The following CDON variants were observed in gnomAD, a reference collection of about 807,000 sequenced individuals.
CDON encodes cell adhesion molecule-related/down-regulated by oncogenes.
Under a neutral mutation model 120.9 loss-of-function variants are expected in CDON, and 73 were observed. That is an observed-to-expected ratio of 0.60 (90% confidence interval 0.50 to 0.73). The LOEUF (loss-of-function observed/expected upper bound fraction) is 0.73, where lower values mean the gene tolerates loss of function less well. Among genes scored for constraint, CDON ranks in the 30% least tolerant of loss-of-function variants. The pLI, the probability that CDON is intolerant of heterozygous loss-of-function variation, is 0.00. For missense variants in CDON, 1,470 were observed against 1,587.3 expected, an observed-to-expected ratio of 0.93 and a Z score of 1.26; for synonymous variants, 566 against 573.5, an observed-to-expected ratio of 0.99 and a Z score of 0.19.
chr11:126,027,596 C>T (rs565239490), intron 1 of CDON, among the ~76,000 whole-genome samples: 17 of 152,258 alleles, frequency 1.1e-4, no homozygotes, highest in African/African-American at 4.1e-4. Context: ...ACAAAGTTTA[C>T]CATAACTAAA....
At chr11:125,968,040 A>G (rs971996314) in intron 18 of CDON, among the ~76,000 whole-genome samples, 4 of 152,174 alleles carry the variant, frequency 2.6e-5, no homozygotes, top group African/African-American at 9.7e-5. Context: ...TATTTTAAAG[A>G]TGGAGAAGTA....
intron 1 of CDON, among the ~76,000 whole-genome samples, chr11:126,032,367 C>T (rs1947966583): frequency 6.6e-6 from 1 of 151,760 alleles, no homozygotes; most frequent in Non-Finnish European, 1.5e-5. Flanking sequence ...TTTGTAGAAT[C>T]AGAGTAAGGA....
In CDON at chr11:126,017,166, C is replaced by T; in HGVS notation, c.850G>A (p.Asp284Asn). 6.2e-7 allele frequency: 1 copy of T among 1,614,176 alleles called. No homozygotes were observed. The highest frequency in any genetic ancestry group is 8.5e-7 in the Non-Finnish European group (1 of 1,180,016). ...HLATDSVDPADSGNYSCMAGN... is the reference protein window; with the variant it reads ...HLATDSVDPANSGNYSCMAGN... ...GCCATGCAGGAATAGTTTCCGGAGTCCGCCGGGTCAACGCTATCAGTGGCA... is the reference window on the plus strand; with the variant it reads ...GCCATGCAGGAATAGTTTCCGGAGTTCGCCGGGTCAACGCTATCAGTGGCA... The change falls in exon 6 of 20, where the codon GAC becomes AAC. Residue 284 changes from aspartate (D) to asparagine (N), a missense_variant. Transcript: ENST00000531738.
chr11:125,962,004 G>A lies in CDON; in HGVS notation c.3357-6C>T. Reference sequence around the variant, plus strand: ...TGTTGGTTTTGGTGAAACACCTGCAGAGGTTAAACCAAAAGAAACAGAATT... The same window carrying A: ...TGTTGGTTTTGGTGAAACACCTGCAAAGGTTAAACCAAAAGAAACAGAATT... On this transcript the variant is annotated splice_polypyrimidine_tract_variant and splice_region_variant and intron_variant, in intron 18 of 19. Coordinates refer to ENST00000531738, the MANE Select transcript of CDON (RefSeq NM_001378964.1). 1 of 1,611,428 alleles carries A rather than the reference G, an allele frequency of 6.2e-7. No homozygotes were observed. Among genetic ancestry groups the A allele is most frequent in the South Asian group, 1.1e-5 (1 of 91,022 alleles).
intron 17 of CDON, among the ~76,000 whole-genome samples, chr11:125,979,679 A>T (rs1946241516): frequency 6.6e-6 from 1 of 152,212 alleles, no homozygotes; most frequent in East Asian, 1.9e-4. Flanking sequence ...ACTAAAGCGA[A>T]CATGGGCCTT....
chr11:126,037,345 C>T (rs978348419), intron 1 of CDON, among the ~76,000 whole-genome samples: 2 of 152,060 alleles, frequency 1.3e-5, no homozygotes, highest in East Asian at 3.9e-4. Context: ...AGGGCTCTGC[C>T]CACCTTAGCC....
At chr11:125,983,594 A>C (rs1254702883) in intron 16 of CDON, among the ~76,000 whole-genome samples, 1 of 152,246 alleles carries the variant, frequency 6.6e-6, no homozygotes, top group Middle Eastern at 3.4e-3. Context: ...TGGTCCAACA[A>C]AGCCGGAGTT....
chr11:125,982,694 T>C (rs1946348522), intron 16 of CDON, among the ~76,000 whole-genome samples: 1 of 152,218 alleles, frequency 6.6e-6, no homozygotes, highest in African/African-American at 2.4e-5. Context: ...AATTTTCCAT[T>C]TTTAAACATT....
At chr11:126,045,328 T>A (rs1591426933) in intron 1 of CDON, among the ~76,000 whole-genome samples, 2 of 152,272 alleles carry the variant, frequency 1.3e-5, no homozygotes, top group South Asian at 4.1e-4. Context: ...GCCCGGCCAA[T>A]AATTTAAAAT....
At chr11:125,975,533 CCTACTATTCT>C (rs1388591482) in intron 18 of CDON, among the ~76,000 whole-genome samples, 9 of 152,188 alleles carry the variant, frequency 5.9e-5, no homozygotes, top group Non-Finnish European at 8.8e-5. Context: ...ATTTCAATAT[CCTACTATTCT>C]CTAGTTGCAC....
chr11:126,028,086 G>C (rs542718365), intron 1 of CDON, among the ~76,000 whole-genome samples: 1 of 147,886 alleles, frequency 6.8e-6, no homozygotes, highest in Non-Finnish European at 1.5e-5. Context: ...AGTTTTCTTC[G>C]CATATTTTAT....
Position 126,036,943 on chromosome 11 carries a change from C to A in CDON, c.-61-13406G>T, listed in dbSNP as rs565013209. On this transcript the variant is annotated intron_variant, in intron 1 of 19. Coordinates refer to ENST00000531738, the MANE Select transcript of CDON (RefSeq NM_001378964.1). ...CCTCAATCGATCTGCCTGCCTCAGC[C>A]GCCCAAAGTGCTGGGATTACAGGCA... is the stretch of plus-strand genomic sequence containing the variant. 8.5e-5 allele frequency among the ~76,000 whole-genome samples: 13 copies of A among 152,336 alleles called. No homozygotes were observed. In the East Asian group the frequency reaches 2.1e-3, roughly 25 times the overall value.
intron 1 of CDON, among the ~76,000 whole-genome samples, chr11:126,053,275 T>C (rs1455730474): frequency 6.6e-6 from 1 of 152,210 alleles, no homozygotes; most frequent in African/African-American, 2.4e-5. Flanking sequence ...GTTAAGACTC[T>C]AATGTGGCCC....
rs758759168 is a variant in CDON at position 125,995,092 on chromosome 11, A to C, written c.2363-40T>G. On this transcript the variant is annotated intron_variant, in intron 12 of 19. Coordinates refer to ENST00000531738, the MANE Select transcript of CDON (RefSeq NM_001378964.1). ...AAAAACAAACAAACAACAACAACAA[A>C]AACATAACTAAGAAAAGCTATAATA... 5 of 1,397,166 alleles carry C rather than the reference A, an allele frequency of 3.6e-6. No homozygotes were observed. The South Asian group carries it at 5.9e-5, about 17-fold the overall frequency. 86.5% of individuals were successfully genotyped at this position (1,397,166 alleles called of 1,614,324 possible). A position where few individuals can be genotyped will look rare whatever the true frequency, so the allele number is the denominator to read the frequency against.
chr11:125,967,590 G>C (rs1240051116), intron 18 of CDON, among the ~76,000 whole-genome samples: 5 of 152,158 alleles, frequency 3.3e-5, no homozygotes, highest in African/African-American at 1.2e-4. Flanking sequence ...TACACTAAGT[G>C]ATCTTCTGCC....
rs1483255942 is a variant in CDON, at chr11:126,034,877, C to T, written c.-61-11340G>A. ...TGGGAAAAAATAACCGTTATGGTAACCACAAAACAAATGCTAAAAGCTAAG... is the reference window on the plus strand; with the variant it reads ...TGGGAAAAAATAACCGTTATGGTAATCACAAAACAAATGCTAAAAGCTAAG... On this transcript the variant is annotated intron_variant, in intron 1 of 19. Coordinates refer to ENST00000531738, the MANE Select transcript of CDON (RefSeq NM_001378964.1). The surrounding 1 kb of genome is among the most constrained non-coding windows in gnomAD (Gnocchi z 4.5). Among the ~76,000 whole-genome samples the T allele has an allele frequency of 6.6e-6, 1 of 152,126 alleles. No homozygotes were observed. Among genetic ancestry groups the T allele is most frequent in the Non-Finnish European group, 1.5e-5 (1 of 68,022 alleles).
chr11:126,034,943 T>C lies in CDON; in HGVS notation c.-61-11406A>G, dbSNP rs1340504208. On this transcript the variant is annotated intron_variant, in intron 1 of 19. Transcript: ENST00000531738. The surrounding 1 kb of genome is among the most constrained non-coding windows in gnomAD (Gnocchi z 4.5). ...CTATTGCAAAGATGTAGACACACAT[T>C]TGACTAACTTCTGCTGGAGGATGAG... Among the ~76,000 whole-genome samples the C allele has an allele frequency of 6.6e-6, 1 of 152,204 alleles. No individual in the cohort carries two copies. Among genetic ancestry groups the C allele is most frequent in the Non-Finnish European group, 1.5e-5 (1 of 68,034 alleles).
At chr11:126,049,187 T>A (rs2134895872) in intron 1 of CDON, among the ~76,000 whole-genome samples, 1 of 152,314 alleles carries the variant, frequency 6.6e-6, no homozygotes, top group East Asian at 1.9e-4. Context: ...CATTTAGAGA[T>A]CTGAACAAGT....
rs148163673 is a variant in CDON at position 126,011,135 on chromosome 11, T to C, written c.1199-441A>G. On this transcript the variant is annotated intron_variant, in intron 7 of 19. Transcript: ENST00000531738. ...GGGAAGGGAGGCAGGAATCTGATTATAAAAAGCGTGGGAGAAAAAAACCTG... is the reference window on the plus strand; with the variant it reads ...GGGAAGGGAGGCAGGAATCTGATTACAAAAAGCGTGGGAGAAAAAAACCTG... 1.1e-4 allele frequency among the ~76,000 whole-genome samples: 16 copies of C among 152,230 alleles called. No individual in the cohort carries two copies. The East Asian group carries it at 3.1e-3, about 29-fold the overall frequency.
Sources: gnomAD v4.1 joint callset for allele counts (sites outside exome capture counted in the v4.1 genomes callset) on GRCh38, gnomAD v4.1.1 for gene constraint, Gnocchi (gnomAD v3.1) non-coding constraint, MANE v1.5 for transcripts, NCBI Gene and HGNC (gene_info 2026-07-23, HGNC 2026-07-21) for gene names.